The following ADAMTSL1 variants were observed in gnomAD, a reference collection of about 807,000 sequenced individuals.
ADAMTSL1 encodes ADAMTS-like protein 1.
A neutral mutation model predicts 201.8 loss-of-function variants in ADAMTSL1; 126 were observed. That is an observed-to-expected ratio of 0.62 (90% CI 0.54 to 0.72). The LOEUF (loss-of-function observed/expected upper bound fraction) is 0.72. Among genes scored for constraint, ADAMTSL1 ranks in the 30% least tolerant of loss-of-function variants. ADAMTSL1 has a pLI of 0.00. For missense variants in ADAMTSL1, 2,679 were observed against 2,277.8 expected (o/e 1.18, Z -3.59); for synonymous variants, 1,121 against 903.4 (o/e 1.24, Z -4.32).
At chr9:18,893,518 C>G (rs757910353) in intron 26 of ADAMTSL1, among the ~76,000 whole-genome samples, 8 of 152,162 alleles carry the variant, frequency 5.3e-5, no homozygotes, top group Non-Finnish European at 1.0e-4. Context: ...ACCTGGGAAT[C>G]TTATTAAAGA....
intron 1 of ADAMTSL1, among the ~76,000 whole-genome samples, chr9:18,043,485 G>C (rs374049018): frequency 3.0e-4 from 46 of 152,120 alleles, no homozygotes; most frequent in African/African-American, 1.1e-3. Flanking sequence ...TATTAGCTTG[G>C]TGCACAAGTT....
At chr9:17,970,580 C>A (rs138118371) in intron 1 of ADAMTSL1, among the ~76,000 whole-genome samples, 1 of 152,084 alleles carries the variant, frequency 6.6e-6, no homozygotes, top group African/African-American at 2.4e-5. Flanking sequence ...CAGTGGCTTC[C>A]CTCCTGTATT....
At chr9:18,843,501 C>T (rs1266209046) in intron 23 of ADAMTSL1, among the ~76,000 whole-genome samples, 2 of 150,630 alleles carry the variant, frequency 1.3e-5, no homozygotes, top group East Asian at 1.9e-4. Context: ...GTGAATCTGA[C>T]AATTATGTGT....
intron 1 of ADAMTSL1, among the ~76,000 whole-genome samples, chr9:17,935,680 T>G (rs1826977412): frequency 6.6e-6 from 1 of 152,210 alleles, no homozygotes; most frequent in African/African-American, 2.4e-5. Context: ...CTCACACCCC[T>G]TGCCTGATTT....
chr9:18,409,344 C>T (rs1254125329), intron 2 of ADAMTSL1, among the ~76,000 whole-genome samples: 4 of 146,302 alleles, frequency 2.7e-5, no homozygotes, highest in African/African-American at 5.1e-5. Flanking sequence ...GATTGCGCCC[C>T]TGCACTCCAG....
chr9:18,055,875 C>G (rs928329), intron 1 of ADAMTSL1, among the ~76,000 whole-genome samples: 1 of 152,160 alleles, frequency 6.6e-6, no homozygotes, highest in Non-Finnish European at 1.5e-5. Context: ...GGGCTTGAAG[C>G]CCCTGTGAGG....
chr9:18,240,883 A>G (rs544115573), intron 2 of ADAMTSL1, among the ~76,000 whole-genome samples: 159 of 152,254 alleles, frequency 1.0e-3, no homozygotes, highest in African/African-American at 3.6e-3. Flanking sequence ...CTTAAACCTC[A>G]TGAACCAACC....
chr9:18,072,488 A>T (rs1823013539), intron 1 of ADAMTSL1, among the ~76,000 whole-genome samples: 1 of 152,178 alleles, frequency 6.6e-6, no homozygotes, highest in Admixed American at 6.5e-5. Flanking sequence ...AAACCAACAC[A>T]GCTTGCTAGT....
At chr9:18,754,036 G>T (rs1819609643) in intron 16 of ADAMTSL1, among the ~76,000 whole-genome samples, 1 of 152,108 alleles carries the variant, frequency 6.6e-6, no homozygotes, top group African/African-American at 2.4e-5. Flanking sequence ...TTCAAAACAG[G>T]GGTTGACAAA....
intron 1 of ADAMTSL1, among the ~76,000 whole-genome samples, chr9:18,042,085 T>C (rs1374908218): frequency 2.1e-5 from 3 of 143,054 alleles, no homozygotes; most frequent in South Asian, 2.2e-4. Flanking sequence ...TAGTGAGTTG[T>C]AATTGCTGGG....
chr9:18,725,056 A>G (rs1054825969), intron 15 of ADAMTSL1, among the ~76,000 whole-genome samples: 10 of 151,952 alleles, frequency 6.6e-5, no homozygotes, highest in East Asian at 1.9e-4. Flanking sequence ...ACAGGCGCCC[A>G]CCACCACGCC....
chr9:17,951,881 G>T (rs1464070412), intron 1 of ADAMTSL1, among the ~76,000 whole-genome samples: 1 of 152,018 alleles, frequency 6.6e-6, no homozygotes, highest in Non-Finnish European at 1.5e-5. Flanking sequence ...CCAGTGGCAT[G>T]ATCGTAGCTC....
At chr9:18,470,971 T>C (rs1029364184), upstream of ADAMTSL1, among the ~76,000 whole-genome samples, 1 of 152,198 alleles carries the variant, frequency 6.6e-6, no homozygotes. Flanking sequence ...TTTAGATACC[T>C]GAAGAGGAAA....
At chr9:18,171,077 A>G (rs1827868088) in intron 2 of ADAMTSL1, among the ~76,000 whole-genome samples, 1 of 152,100 alleles carries the variant, frequency 6.6e-6, no homozygotes, top group Non-Finnish European at 1.5e-5. Flanking sequence ...GCATAACCAG[A>G]ATGATTTTGA....
chr9:18,657,511 C>A, intron 7 of ADAMTSL1, 128 bp from the exon 8 acceptor site: 1 of 642,454 alleles, frequency 1.6e-6, no homozygotes, highest in Non-Finnish European at 2.8e-6. Flanking sequence ...ATTGCCACTT[C>A]TCCCGCAGTG....
intron 1 of ADAMTSL1, among the ~76,000 whole-genome samples, chr9:18,041,794 C>T (rs1586936619): frequency 2.0e-5 from 3 of 152,048 alleles, no homozygotes; most frequent in South Asian, 4.2e-4. Flanking sequence ...ACTGATATCC[C>T]AAATCAGCTG....
chr9:18,635,886 A>G (rs1238066262), intron 5 of ADAMTSL1, 57 bp from the exon 6 acceptor site: 8 of 1,464,064 alleles, frequency 5.5e-6, no homozygotes, highest in African/African-American at 1.4e-5. Context: ...TTAGAAGGCA[A>G]TCAATAATTT....
chr9:18,333,284 T>C (rs193157287), intron 2 of ADAMTSL1, among the ~76,000 whole-genome samples: 2 of 152,260 alleles, frequency 1.3e-5, no homozygotes, highest in East Asian at 1.9e-4. Context: ...AATTGAATCA[T>C]TGGGGCAGTT....
intron 2 of ADAMTSL1, among the ~76,000 whole-genome samples, chr9:18,315,409 G>T (rs972624066): frequency 6.6e-6 from 1 of 152,036 alleles, no homozygotes. Context: ...AGGGAGGCTC[G>T]GGCCGTGTGG....
Sources: allele counts gnomAD v4.1 joint callset (sites outside exome capture counted in the v4.1 genomes callset), GRCh38; gene constraint gnomAD v4.1.1; transcripts MANE v1.5; gene names NCBI Gene and HGNC (gene_info 2026-07-23, HGNC 2026-07-21).